The following ARHGAP28 variants were observed in gnomAD, a reference collection of about 807,000 sequenced individuals.
ARHGAP28 encodes the protein Rho GTPase activating protein 28.
A neutral mutation model predicts 90.7 loss-of-function variants in ARHGAP28; 56 were observed. The observed-to-expected ratio is 0.62, with a 90% CI of 0.50 to 0.77. The LOEUF (loss-of-function observed/expected upper bound fraction) is 0.77. Among genes scored for constraint, ARHGAP28 ranks in the 30% least tolerant of loss-of-function variants. The pLI is 0.00. For synonymous variants in ARHGAP28, 308 were observed against 323.3 expected, an observed-to-expected ratio of 0.95 and a Z score of 0.51; for missense variants, 869 against 900.9, an observed-to-expected ratio of 0.96 and a Z score of 0.45.
intron 1 of ARHGAP28, among the ~76,000 whole-genome samples, chr18:6,811,373 A>G (rs905859335): frequency 6.6e-6 from 1 of 152,202 alleles, no homozygotes; most frequent in Admixed American, 6.5e-5. Context: ...TCTTCATTGA[A>G]CCAGCATTGA....
At chr18:6,771,167 G>T (rs1446817659) in intron 1 of ARHGAP28, among the ~76,000 whole-genome samples, 1 of 152,078 alleles carries the variant, frequency 6.6e-6, no homozygotes, top group Non-Finnish European at 1.5e-5. Flanking sequence ...CTCCTGGATA[G>T]CTGGGACTAT....
intron 1 of ARHGAP28, among the ~76,000 whole-genome samples, chr18:6,815,502 A>T (rs1331581097): frequency 6.6e-6 from 1 of 152,190 alleles, no homozygotes; most frequent in East Asian, 1.9e-4. Flanking sequence ...TACTCCTTTA[A>T]AGTGTACAGT....
At chr18:6,911,980 AAC>A in intron 17 of ARHGAP28, 78 bp from the exon 18 acceptor site, 1 of 855,162 alleles carries the variant, frequency 1.2e-6, no homozygotes, top group East Asian at 2.7e-5. Context: ...GAACCTCACA[AAC>A]ACACACAGAC....
chr18:6,800,294 A>G (rs568726863), intron 1 of ARHGAP28, among the ~76,000 whole-genome samples: 249 of 152,388 alleles, frequency 1.6e-3, no homozygotes, highest in Non-Finnish European at 2.9e-3. Flanking sequence ...TGTGGAAGAC[A>G]GTGTGGCAAT....
At chr18:6,795,418 G>A (rs1401829944) in intron 1 of ARHGAP28, among the ~76,000 whole-genome samples, 1 of 151,990 alleles carries the variant, frequency 6.6e-6, no homozygotes, top group East Asian at 2.0e-4. Context: ...ATTTCTCTGT[G>A]TGTCCCAAGA....
At chr18:6,898,371 A>G (rs2057319031) in intron 16 of ARHGAP28, 7 of 725,678 alleles carry the variant, frequency 9.6e-6, no homozygotes, top group Admixed American at 2.8e-5. Context: ...TCTGACTTGT[A>G]CATTTTATAT....
At chr18:6,733,227 T>C (rs1441801229) in intron 1 of ARHGAP28, among the ~76,000 whole-genome samples, 3 of 152,176 alleles carry the variant, frequency 2.0e-5, no homozygotes, top group Admixed American at 6.5e-5. Flanking sequence ...ATTTAAGTTC[T>C]TTTTTTAAAA....
intron 1 of ARHGAP28, among the ~76,000 whole-genome samples, chr18:6,794,883 G>C (rs1287433477): frequency 6.6e-6 from 1 of 151,980 alleles, no homozygotes. Context: ...GGGTTTCACT[G>C]TGTTGCCCAG....
chr18:6,896,511 C>T lies in ARHGAP28; in HGVS notation c.1915C>T (p.Pro639Ser). 6.2e-7 allele frequency: 1 copy of T among 1,613,970 alleles called. No individual in the cohort carries two copies. The highest frequency in any genetic ancestry group is 8.5e-7 in the Non-Finnish European group (1 of 1,179,940). Residue 639 changes from proline (P) to serine (S), a missense_variant, in exon 16 of 18, where the codon CCG becomes TCG. Transcript: ENST00000383472. Reference protein sequence around the residue: ...SPSARRMSDVPEGVIRVHAPL... With the variant: ...SPSARRMSDVSEGVIRVHAPL... ...TTCTCCTCCTTGGCAGTCTGACGTG[C>T]CGGAAGGAGTCATACGGGTCCATGC...
intron 1 of ARHGAP28, among the ~76,000 whole-genome samples, chr18:6,772,803 C>T (rs1039466042): frequency 6.6e-6 from 1 of 151,802 alleles, no homozygotes; most frequent in Admixed American, 6.6e-5. Context: ...GGCACGGTCT[C>T]GGCTCACTGC....
chr18:6,785,527 C>T (rs946913029), intron 1 of ARHGAP28, among the ~76,000 whole-genome samples: 1 of 152,200 alleles, frequency 6.6e-6, no homozygotes, highest in African/African-American at 2.4e-5. Context: ...CTCCTCTTTG[C>T]TTCCTTAGTT....
At chr18:6,889,791 C>T (rs2057249934) in intron 12 of ARHGAP28, 97 bp from the exon 13 acceptor site, 1 of 1,143,296 alleles carries the variant, frequency 8.7e-7, no homozygotes, top group African/African-American at 1.5e-5. Flanking sequence ...TCTGACAGTT[C>T]TCTGGCAGCA....
In ARHGAP28 at chr18:6,876,329, A is replaced by G. The variant is rs1227192814; in HGVS notation, c.1290+121A>G. 5 of 690,896 alleles carry G rather than the reference A, an allele frequency of 7.2e-6. No homozygotes were observed. The African/African-American group carries it at 8.9e-5, about 12-fold the overall frequency. 42.8% of individuals were successfully genotyped at this position (690,896 alleles called of 1,614,324 possible). On this transcript the variant is annotated intron_variant, in intron 10 of 17. Transcript: ENST00000383472. ...TAGATATTATCACTTGGTCCTTCCT[A>G]GTATTCCTTGGTACCTGTGGTAAAA...
chr18:6,830,512 T>A (rs1196192154), intron 2 of ARHGAP28, among the ~76,000 whole-genome samples: 1 of 152,088 alleles, frequency 6.6e-6, no homozygotes, highest in Non-Finnish European at 1.5e-5. Context: ...GATGTTCCCC[T>A]CCCTGTGTCC....
chr18:6,807,980 A>G (rs978366421), intron 1 of ARHGAP28, among the ~76,000 whole-genome samples: 8 of 152,302 alleles, frequency 5.3e-5, no homozygotes, highest in Middle Eastern at 3.4e-3. Flanking sequence ...CTCCAGGATC[A>G]CTGTTTTCAG....
intron 1 of ARHGAP28, among the ~76,000 whole-genome samples, chr18:6,787,206 GC>G: frequency 8.1e-6 from 1 of 123,228 alleles, no homozygotes; most frequent in Middle Eastern, 6.0e-3. Flanking sequence ...GGCAACAAGA[GC>G]GAAACTCCAT....
At chr18:6,787,182 T>C (rs1015667941) in intron 1 of ARHGAP28, among the ~76,000 whole-genome samples, 35 of 133,612 alleles carry the variant, frequency 2.6e-4, no homozygotes, top group African/African-American at 1.0e-3. Context: ...ATCGCGCCAC[T>C]GCACTCCAAC....
In ARHGAP28 at chr18:6,868,237, G is replaced by A. The variant is rs971451571; in HGVS notation, c.811+3G>A. ...GCCAGTTCAGAATGCGATAAGTGGT[G>A]AGCGGCATGCCTCCTGTTGAACTTC... On this transcript the variant is annotated splice_donor_region_variant and intron_variant, in intron 6 of 17. Transcript: ENST00000383472. 37 of 1,613,412 alleles carry A rather than the reference G, an allele frequency of 2.3e-5. No homozygotes were observed. The highest frequency in any genetic ancestry group is 3.1e-5 in the Non-Finnish European group (37 of 1,179,488).
intron 1 of ARHGAP28, among the ~76,000 whole-genome samples, chr18:6,762,475 C>T (rs570357693): frequency 4.6e-5 from 7 of 152,318 alleles, no homozygotes; most frequent in African/African-American, 1.4e-4. Context: ...CAACATGCTA[C>T]GCATCCTCTT....
Sources: gnomAD v4.1 joint callset for allele counts (sites outside exome capture counted in the v4.1 genomes callset) on GRCh38, gnomAD v4.1.1 for gene constraint, MANE v1.5 for transcripts, NCBI Gene and HGNC (gene_info 2026-07-23, HGNC 2026-07-21) for gene names.